NINJ2: variants seen among roughly 807,000 people sequenced by gnomAD.
NINJ2 encodes ninjurin-2.
In NINJ2, 12 loss-of-function variants were observed where a neutral mutation model predicts 11.7. That is an observed-to-expected ratio of 1.02 (90% confidence interval 0.66 to 1.66). The LOEUF is 1.66. NINJ2 is among the 40% of genes most tolerant of loss of function. The probability of loss-of-function intolerance (pLI) is 0.00; values close to 1 mark genes in which losing one functional copy is unlikely to be tolerated. For synonymous variants in NINJ2, 93 were observed against 76.8 expected, an observed-to-expected ratio of 1.21 and a Z score of -1.10; for missense variants, 187 against 181.8, an observed-to-expected ratio of 1.03 and a Z score of -0.16.
chr12:579,907 C>T (rs576665812), intron 1 of NINJ2, among the ~76,000 whole-genome samples: 11 of 152,184 alleles, frequency 7.2e-5, no homozygotes, highest in South Asian at 2.1e-4. Flanking sequence ...AGTCACGTTT[C>T]GGTTTACATC....
chr12:662,239 G>C (rs1937967843), intron 1 of NINJ2, among the ~76,000 whole-genome samples: 1 of 152,184 alleles, frequency 6.6e-6, no homozygotes, highest in Admixed American at 6.5e-5. Context: ...CTCGGGGCTG[G>C]CTGCCAATCC....
chr12:580,595 AAAAAT>A lies in NINJ2; in HGVS notation c.34-14422_34-14418del, dbSNP rs202145671. The stretch of plus-strand genomic sequence containing the variant: ...GAGAGAGACCCTGTCTCAAAAAAAA[AAAAAT>A]ATATATATATATATATCCATTTGTC... On this transcript the variant is annotated intron_variant, in intron 1 of 3. Transcript: ENST00000305108. This position sits in a 1 kb window ranked among gnomAD's most constrained non-coding sequence, Gnocchi z 4.7. Among the ~76,000 whole-genome samples the A allele has an allele frequency of 0.13, 11,569 of 89,838 alleles. 503 individuals are homozygous for A. The highest frequency in any genetic ancestry group is 0.17 in the African/African-American group (4,117 of 24,348). 58.9% of individuals were successfully genotyped at this position (89,838 alleles called of 152,430 possible). A position where few individuals can be genotyped will look rare whatever the true frequency, so the allele number is the denominator to read the frequency against.
At position 597,732 on chromosome 12, in the gene NINJ2, A is replaced by G. The variant is rs148091730; in HGVS notation, c.34-31554T>C. ...GAGATAGAATCTCAGAAGCTGAAGA[A>G]GAGGCGAATGTATTAGTGGGAGTTA... is the stretch of plus-strand genomic sequence containing the variant. On this transcript the variant is annotated intron_variant, in intron 1 of 3. Coordinates refer to ENST00000305108, the MANE Select transcript of NINJ2 (RefSeq NM_016533.6). 2.0e-4 allele frequency among the ~76,000 whole-genome samples: 30 copies of G among 152,366 alleles called. No individual in the cohort carries two copies. The East Asian group carries it at 5.4e-3, about 27-fold the overall frequency.
intron 1 of NINJ2, among the ~76,000 whole-genome samples, chr12:646,775 C>T (rs544648154): frequency 4.6e-5 from 7 of 152,256 alleles, no homozygotes; most frequent in African/African-American, 1.7e-4. Context: ...CTGGACTCCA[C>T]ACCCGAGGCA....
intron 1 of NINJ2, among the ~76,000 whole-genome samples, chr12:657,120 G>A (rs1937883378): frequency 6.6e-6 from 1 of 152,102 alleles, no homozygotes; most frequent in African/African-American, 2.4e-5. Flanking sequence ...ATACCAAAGG[G>A]TACAATCCAT....
intron 1 of NINJ2, among the ~76,000 whole-genome samples, chr12:571,816 T>A (rs575584817): frequency 6.6e-6 from 1 of 152,368 alleles, no homozygotes; most frequent in African/African-American, 2.4e-5. Flanking sequence ...ATCATTCTGC[T>A]CTTTCTTGGA....
intron 1 of NINJ2, among the ~76,000 whole-genome samples, chr12:578,445 G>A (rs944363989): frequency 6.6e-5 from 10 of 151,982 alleles, no homozygotes; most frequent in Non-Finnish European, 2.9e-5. Context: ...TAGCCTCCTG[G>A]GTAGCTGGGA....
At chr12:599,153 G>A (rs1010462511) in intron 1 of NINJ2, among the ~76,000 whole-genome samples, 23 of 151,956 alleles carry the variant, frequency 1.5e-4, no homozygotes, top group African/African-American at 5.3e-4. Flanking sequence ...AGGCCGAGGC[G>A]GATGGATCAC....
chr12:609,789 A>AG (rs1555164888), intron 1 of NINJ2, among the ~76,000 whole-genome samples: 14,331 of 115,798 alleles, frequency 0.12, 1,518 homozygotes, highest in East Asian at 0.21. Context: ...AAAAAAAAAT[A>AG]GGGAAAACAA....
rs913621504 is a variant in NINJ2 at position 638,657 on chromosome 12, C to T, written c.33+24671G>A. ...GTCTTGATGTCCTGACCTCGTGATC[C>T]GCCCGCCTCGGCCTCCCAAAGTGCT... On this transcript the variant is annotated intron_variant, in intron 1 of 3. Transcript: ENST00000305108. Among the ~76,000 whole-genome samples, 11 of 152,288 alleles carry T rather than the reference C, an allele frequency of 7.2e-5. 1 individual carries two copies. The highest frequency in any genetic ancestry group is 1.9e-4 in the African/African-American group (8 of 41,576).
intron 1 of NINJ2, among the ~76,000 whole-genome samples, chr12:569,989 C>T (rs1286794100): frequency 6.6e-6 from 1 of 152,220 alleles, no homozygotes; most frequent in Non-Finnish European, 1.5e-5. Context: ...GCGTTTCCAC[C>T]CCGAGGAACC....
rs1947544733 is a variant in NINJ2 at position 581,043 on chromosome 12, G to A, written c.34-14865C>T. 6.6e-6 allele frequency among the ~76,000 whole-genome samples: 1 copy of A among 151,212 alleles called. No homozygotes were observed. Among genetic ancestry groups the A allele is most frequent in the Non-Finnish European group, 1.5e-5 (1 of 67,882 alleles). On this transcript the variant is annotated intron_variant, in intron 1 of 3. Coordinates refer to ENST00000305108, the MANE Select transcript of NINJ2 (RefSeq NM_016533.6). The surrounding 1 kb of genome is among the most constrained non-coding windows in gnomAD (Gnocchi z 4.9). ...TCATGTCTTGTGTATGTGTCTGTGTGTGTCTGTGTCTGTGTGTGCGTGTCT... is the reference window on the plus strand; with the variant it reads ...TCATGTCTTGTGTATGTGTCTGTGTATGTCTGTGTCTGTGTGTGCGTGTCT...
At chr12:629,169 G>A (rs555006455) in intron 1 of NINJ2, among the ~76,000 whole-genome samples, 35 of 152,276 alleles carry the variant, frequency 2.3e-4, no homozygotes, top group African/African-American at 8.2e-4. Flanking sequence ...ACCCCTTTCT[G>A]GCAATGATAC....
At chr12:613,938 T>A (rs7310239) in intron 1 of NINJ2, among the ~76,000 whole-genome samples, 93,999 of 151,624 alleles carry the variant, frequency 0.62, 29,670 homozygotes, top group East Asian at 0.8. Context: ...ATAAATAAAT[T>A]AATTAATTAA....
intron 1 of NINJ2, among the ~76,000 whole-genome samples, chr12:592,927 T>C (rs908920478): frequency 6.6e-6 from 1 of 152,086 alleles, no homozygotes; most frequent in Non-Finnish European, 1.5e-5. Flanking sequence ...ATTACAGAAA[T>C]TTGTGAGTTA....
intron 1 of NINJ2, among the ~76,000 whole-genome samples, chr12:575,987 G>A (rs1327901197): frequency 6.6e-6 from 1 of 152,230 alleles, no homozygotes; most frequent in Admixed American, 6.5e-5. Flanking sequence ...AGACCCCTGA[G>A]GCCTTCTGTC....
At chr12:632,228 A>C (rs1289861455) in intron 1 of NINJ2, 3 of 152,246 alleles carry the variant, frequency 2.0e-5, no homozygotes, top group Non-Finnish European at 4.4e-5. Context: ...AACCAGCCCC[A>C]GGGTGTCTGA....
intron 1 of NINJ2, among the ~76,000 whole-genome samples, chr12:647,484 G>C (rs75805666): frequency 0.016 from 2,480 of 152,244 alleles, 30 homozygotes; most frequent in Middle Eastern, 0.037. Context: ...GTTTGGACTT[G>C]AGAGGCTTAG....
chr12:617,534 T>C (rs1014179788), intron 1 of NINJ2, among the ~76,000 whole-genome samples: 3 of 152,194 alleles, frequency 2.0e-5, no homozygotes, highest in Non-Finnish European at 4.4e-5. Context: ...GGCCTTGACA[T>C]TAGAGGATGC....
Sources: gnomAD v4.1 joint callset for allele counts (sites outside exome capture counted in the v4.1 genomes callset) on GRCh38, gnomAD v4.1.1 for gene constraint, Gnocchi (gnomAD v3.1) non-coding constraint, MANE v1.5 for transcripts, NCBI Gene and HGNC (gene_info 2026-07-23, HGNC 2026-07-21) for gene names.